The following BCLAF3 variants were observed in gnomAD, a reference collection of about 807,000 sequenced individuals.
The protein encoded by BCLAF3 is BCLAF1 and THRAP3 family member 3, also known as transient octamer binding factor 1.
A neutral mutation model predicts 51.2 loss-of-function variants in BCLAF3; 24 were observed. The ratio of observed to expected loss-of-function variants is 0.47; its 90% CI spans 0.34 to 0.66. BCLAF3 has a LOEUF of 0.66. Among genes scored for constraint, BCLAF3 ranks in the 30% least tolerant of loss-of-function variants. The pLI is 0.01. For synonymous variants in BCLAF3, 152 were observed against 176.6 expected, an observed-to-expected ratio of 0.86 and a Z score of 1.10; for missense variants, 465 against 525.1, an observed-to-expected ratio of 0.89 and a Z score of 1.12.
intron 3 of BCLAF3, 30 bp from the exon 4 acceptor site, chrX:19,965,736 C>G (rs377150095): frequency 9.1e-7 from 1 of 1,097,742 alleles, no homozygotes; most frequent in South Asian, 2.6e-5. Context: ...TTTACACTTG[C>G]AATAGAGAGA....
rs746787460 is a variant in BCLAF3 at position 19,939,852 on chromosome X, T to C, written c.1746-2320A>G. Among the ~76,000 whole-genome samples the C allele has an allele frequency of 5.4e-5, 6 of 112,108 alleles. No individual in the cohort carries two copies. The South Asian group carries it at 2.2e-3, about 41-fold the overall frequency. ...GACAAAACGACAAATATTGTCTGATTCTACTTATATCAGATACCCACAATA... is the reference window on the plus strand; with the variant it reads ...GACAAAACGACAAATATTGTCTGATCCTACTTATATCAGATACCCACAATA... On this transcript the variant is annotated intron_variant, in intron 8 of 11. Transcript: ENST00000379682.
At chrX:19,917,449 C>T in intron 11 of BCLAF3, 115 bp from the exon 12 acceptor site, 1 of 606,547 alleles carries the variant, frequency 1.6e-6, no homozygotes, top group Non-Finnish European at 2.7e-6. Flanking sequence ...GTTACTTGCA[C>T]CCCGAGATTC....
chrX:19,969,963 C>A (rs1483958079), intron 2 of BCLAF3, among the ~76,000 whole-genome samples: 1 of 112,039 alleles, frequency 8.9e-6, no homozygotes, highest in African/African-American at 3.2e-5. Context: ...CTCACTAATT[C>A]AAAAAATGTA....
At chrX:19,928,661 T>C (rs2070441552) in intron 11 of BCLAF3, among the ~76,000 whole-genome samples, 2 of 111,748 alleles carry the variant, frequency 1.8e-5, no homozygotes, top group Non-Finnish European at 3.8e-5. Context: ...CATTAAGCAT[T>C]AGCATAATGG....
At chrX:19,982,263 T>G (rs1405851794) in intron 1 of BCLAF3, among the ~76,000 whole-genome samples, 1 of 110,105 alleles carries the variant, frequency 9.1e-6, no homozygotes, top group Admixed American at 9.9e-5. Flanking sequence ...GGCAACACAG[T>G]GAAACCCCCT....
Position 19,966,127 on chromosome X carries a change from A to G in BCLAF3, c.564T>C (p.Thr188=), listed in dbSNP as rs760289168. ...RIQEEKYSQS[T]RRGSEDFETR... ...TCTCAAAGTCTTCAGAGCCTCTTCT[A>G]GTTGACTGGGAGTATTTTTCTTCTT... Residue 188 remains threonine, a synonymous_variant, in exon 3 of 12, where the codon ACT becomes ACC. Coordinates refer to ENST00000379682, the MANE Select transcript of BCLAF3 (RefSeq NM_001367774.2). 2.5e-6 allele frequency: 3 copies of G among 1,211,482 alleles called. No individual in the cohort carries two copies. Among genetic ancestry groups the G allele is most frequent in the Non-Finnish European group, 3.4e-6 (3 of 895,386 alleles).
intron 3 of BCLAF3, 94 bp downstream of exon 3, chrX:19,965,986 G>C (rs1211951823): frequency 2.4e-6 from 2 of 850,277 alleles, no homozygotes; most frequent in Non-Finnish European, 1.7e-6. Context: ...TTAGACAAAA[G>C]CTTTTCAAGG....
rs1302489689 is a variant in BCLAF3, at chrX:19,941,423, T to C, written c.1746-3891A>G. On this transcript the variant is annotated intron_variant, in intron 8 of 11. Transcript: ENST00000379682. ...GTTTTAGGTCTAACGTTTAAATCTT[T>C]AATCCATCTTGAATTGATTTTTGTA... is the stretch of plus-strand genomic sequence containing the variant. Among the ~76,000 whole-genome samples the C allele has an allele frequency of 2.9e-5, 3 of 101,856 alleles. No homozygotes were observed. The East Asian group carries it at 8.4e-4, about 28-fold the overall frequency. The allele number at this position is 101,856 out of a possible 115,157, so 88.4% of individuals were successfully genotyped here.
intron 1 of BCLAF3, among the ~76,000 whole-genome samples, chrX:19,974,326 A>G (rs1482716158): frequency 9.0e-6 from 1 of 111,657 alleles, no homozygotes; most frequent in Non-Finnish European, 1.9e-5. Context: ...TAGTTCTCAA[A>G]CTTTAGTGTG....
rs1349258556 is a variant in BCLAF3, at chrX:19,966,408, G to T, written c.283C>A (p.Pro95Thr). ...CTTCCAGGCGAATATCCTCTGTGAG[G>T]CTTATACATATAAACATTTTCTAAA... is the stretch of plus-strand genomic sequence containing the variant. Reference protein sequence around the residue: ...NSLENVYMYKPHRGYSPGRGD... With the variant: ...NSLENVYMYKTHRGYSPGRGD... The change falls in exon 3 of 12, where the codon CCT becomes ACT. Residue 95 changes from proline to threonine, a missense_variant. Physicochemically the swap from Pro to Thr is conservative, Grantham distance 38 (BLOSUM62 -1). Transcript: ENST00000379682. 3 of 1,209,523 alleles carry T rather than the reference G, an allele frequency of 2.5e-6. No individual in the cohort carries two copies. Among genetic ancestry groups the T allele is most frequent in the African/African-American group, 3.5e-5 (2 of 57,026 alleles).
chrX:19,983,638 C>T (rs2148050997), intron 1 of BCLAF3, among the ~76,000 whole-genome samples: 1 of 109,797 alleles, frequency 9.1e-6, no homozygotes, highest in African/African-American at 3.3e-5. Flanking sequence ...TCACTTGAAC[C>T]CGGGAGGCGG....
intron 10 of BCLAF3, among the ~76,000 whole-genome samples, chrX:19,934,362 A>G (rs182006628): frequency 6.6e-4 from 74 of 112,340 alleles, no homozygotes; most frequent in African/African-American, 2.3e-3. Context: ...TAAATCTGAA[A>G]GCCCATCTAT....
chrX:19,967,256 G>A (rs747476490), intron 2 of BCLAF3, among the ~76,000 whole-genome samples: 39 of 111,560 alleles, frequency 3.5e-4, no homozygotes, highest in African/African-American at 1.2e-3. Flanking sequence ...GTACTTAACC[G>A]GGGGAAAAGG....
chrX:19,989,111 G>C (rs1454701606), intron 1 of BCLAF3, among the ~76,000 whole-genome samples: 4 of 108,427 alleles, frequency 3.7e-5, no homozygotes, highest in Non-Finnish European at 7.6e-5. Context: ...ATCCTTTCCA[G>C]AGGGAAATTG....
chrX:19,970,159 T>C (rs2072209233), intron 2 of BCLAF3, 65 bp downstream of exon 2: 1 of 951,904 alleles, frequency 1.1e-6, no homozygotes, highest in Non-Finnish European at 1.5e-6. Context: ...TGTTTACTAG[T>C]ACTGGTGAAA....
At chrX:19,976,075 C>T (rs900555025) in intron 1 of BCLAF3, among the ~76,000 whole-genome samples, 16 of 111,344 alleles carry the variant, frequency 1.4e-4, no homozygotes, top group African/African-American at 4.9e-4. Context: ...CAGCTCACAC[C>T]CATCCCATGC....
intron 11 of BCLAF3, among the ~76,000 whole-genome samples, chrX:19,920,743 C>G (rs1456137863): frequency 9.2e-6 from 1 of 108,855 alleles, no homozygotes; most frequent in East Asian, 2.9e-4. Context: ...ATCACTTAAG[C>G]CCGGGAGGTG....
Position 19,929,755 on chromosome X carries a change from A to T in BCLAF3, c.2106+30T>A, listed in dbSNP as rs1251161521. ...AATCTAGGAGTTTAAAAGTCACTAA[A>T]CATTTTTAAATCATTTTAATTCAAC... On this transcript the variant is annotated intron_variant, in intron 11 of 11. Coordinates refer to ENST00000379682, the MANE Select transcript of BCLAF3 (RefSeq NM_001367774.2). The T allele has an allele frequency of 2.6e-6, 3 of 1,158,678 alleles. No homozygotes were observed. In the African/African-American group the frequency reaches 5.4e-5, roughly 21 times the overall value.
At chrX:19,946,803 T>C (rs1161896537) in intron 8 of BCLAF3, among the ~76,000 whole-genome samples, 2 of 111,745 alleles carry the variant, frequency 1.8e-5, no homozygotes, top group Non-Finnish European at 3.8e-5. Flanking sequence ...CTTGAAATAC[T>C]ATCCCCTCAG....
Sources: allele counts gnomAD v4.1 joint callset (sites outside exome capture counted in the v4.1 genomes callset), GRCh38; gene constraint gnomAD v4.1.1; transcripts MANE v1.5; gene names NCBI Gene and HGNC (gene_info 2026-07-23, HGNC 2026-07-21).